LAX1: variants seen among roughly 807,000 people sequenced by gnomAD.
LAX1 encodes the protein lymphocyte transmembrane adaptor 1.
In LAX1, 17 loss-of-function variants were observed where a neutral mutation model predicts 20.7. The observed-to-expected ratio is 0.82, with a 90% CI of 0.56 to 1.23. The LOEUF is 1.23. LAX1 is among the 50% of genes most tolerant of loss of function. The pLI is 0.00. For synonymous variants in LAX1, 165 were observed against 181.0 expected (o/e 0.91, Z 0.71); for missense variants, 470 against 487.0 (o/e 0.97, Z 0.33).
At chr1:203,772,460 T>G (rs1213811618) in intron 4 of LAX1, among the ~76,000 whole-genome samples, 1 of 152,142 alleles carries the variant, frequency 6.6e-6, no homozygotes, top group African/African-American at 2.4e-5. Context: ...TGGAGTCTTG[T>G]TCTGTCACCC....
At chr1:203,769,552 C>A (rs373169083) in intron 1 of LAX1, 1 of 152,074 alleles carries the variant, frequency 6.6e-6, no homozygotes, top group East Asian at 1.9e-4. Flanking sequence ...GGGGGTAGCA[C>A]GTCAGTTCCT....
intron 1 of LAX1, chr1:203,769,747 T>C (rs1667370912): frequency 8.4e-6 from 1 of 118,526 alleles, no homozygotes; most frequent in Non-Finnish European, 1.6e-5. Context: ...AGTGTGTTGC[T>C]TGGAGACCAG....
rs764229394 is a variant in LAX1, at chr1:203,772,086, G to A, written c.329G>A (p.Ser110Asn). Residue 110 changes from serine (S) to asparagine (N), a missense_variant, in exon 4 of 5, where the codon AGT becomes AAT. Ser to Asn is a conservative substitution (Grantham distance 46, BLOSUM62 1). Transcript: ENST00000442561. ...CTTTCAGGGAGACATGAGTCGAGGA[G>A]TATGCGCATTTTCAGTACTGAGAGC... is the stretch of plus-strand genomic sequence containing the variant. Reference protein sequence around the residue: ...QEDLGRHESRSMRIFSTESLL... With the variant: ...QEDLGRHESRNMRIFSTESLL... 2 of 1,614,084 alleles carry A rather than the reference G, an allele frequency of 1.2e-6. No individual in the cohort carries two copies. Among genetic ancestry groups the A allele is most frequent in the Admixed American group, 1.7e-5 (1 of 60,028 alleles).
rs1288714730 is a variant in LAX1, at chr1:203,765,497, GCTAA to G, written c.-66_-63del. 10 of 1,600,914 alleles carry G rather than the reference GCTAA, an allele frequency of 6.2e-6. No homozygotes were observed. The Admixed American group carries it at 6.9e-5, about 11-fold the overall frequency. On this transcript the variant is annotated 5_prime_UTR_variant, in exon 1 of 5. It removes the in-frame stop codon of an upstream open reading frame in the 5' UTR. Coordinates refer to ENST00000442561, the MANE Select transcript of LAX1 (RefSeq NM_017773.4). Reference sequence around the variant, plus strand: ...GTGGGGAGAAGTGGTAGACATGCTGGCTAACTGATTATGATTAAGAGAAACTTAG... The same window carrying G: ...GTGGGGAGAAGTGGTAGACATGCTGGCTGATTATGATTAAGAGAAACTTAG...
intron 1 of LAX1, among the ~76,000 whole-genome samples, chr1:203,766,568 T>A (rs1328953842): frequency 6.6e-6 from 1 of 152,230 alleles, no homozygotes; most frequent in Non-Finnish European, 1.5e-5. Flanking sequence ...TGAGCATCAA[T>A]GAGCAATGAA....
At position 203,775,669 on chromosome 1, in the gene LAX1, C is replaced by A. The variant is rs1335779842; in HGVS notation, c.*988C>A. 2 of 152,098 alleles carry A rather than the reference C, an allele frequency of 1.3e-5. No individual in the cohort carries two copies. The highest frequency in any genetic ancestry group is 6.6e-5 in the Admixed American group (1 of 15,254). 9.4% of individuals were successfully genotyped at this position (152,098 alleles called of 1,614,324 possible). A position where few individuals can be genotyped will look rare whatever the true frequency, so the allele number is the denominator to read the frequency against. On this transcript the variant is annotated 3_prime_UTR_variant, in exon 5 of 5. Transcript: ENST00000442561. ...CATAATTACCAAAAACTAGAAATAA[C>A]CCAGATATCCTTCAACAGGTGATTG...
chr1:203,768,010 G>A (rs530543590), intron 1 of LAX1, among the ~76,000 whole-genome samples: 95 of 152,104 alleles, frequency 6.2e-4, no homozygotes, highest in African/African-American at 2.2e-3. Flanking sequence ...GCATATGAAT[G>A]TATAATATCA....
At chr1:203,768,109 G>A (rs1290216125) in intron 1 of LAX1, among the ~76,000 whole-genome samples, 2 of 152,082 alleles carry the variant, frequency 1.3e-5, no homozygotes, top group African/African-American at 2.4e-5. Context: ...TCAGGAGTTC[G>A]AGACCAGCCT....
In LAX1 at chr1:203,765,452, A is replaced by T; in HGVS notation, c.-114A>T. 1 of 1,559,338 alleles carries T rather than the reference A, an allele frequency of 6.4e-7. No homozygotes were observed. Among genetic ancestry groups the T allele is most frequent in the South Asian group, 1.2e-5 (1 of 85,320 alleles). On this transcript the variant is annotated 5_prime_UTR_variant, in exon 1 of 5. Coordinates refer to ENST00000442561, the MANE Select transcript of LAX1 (RefSeq NM_017773.4). ...CTGACGTTTCAGAGGTAGACACGAG[A>T]TAGGGAGTTTGTTGCGGGGGTGGGG...
chr1:203,771,005 C>T (rs1186285823), intron 2 of LAX1, 68 bp downstream of exon 2: 10 of 1,281,514 alleles, frequency 7.8e-6, no homozygotes, highest in Non-Finnish European at 1.1e-5. Context: ...ATTTAAAGCC[C>T]AGCTTATTTA....
intron 4 of LAX1, among the ~76,000 whole-genome samples, chr1:203,773,443 A>G (rs1237278981): frequency 6.6e-6 from 1 of 152,080 alleles, no homozygotes; most frequent in Non-Finnish European, 1.5e-5. Context: ...GACGAGAGCG[A>G]AACTCCTTCT....
chr1:203,774,636 G>A lies in LAX1; in HGVS notation c.1152G>A (p.Arg384=), dbSNP rs778962944. The A allele has an allele frequency of 6.8e-6, 11 of 1,614,072 alleles. No individual in the cohort carries two copies. The African/African-American group carries it at 8.0e-5, about 12-fold the overall frequency. Residue 384 remains arginine (R), a synonymous_variant, in exon 5 of 5, where the codon AGG becomes AGA. Coordinates refer to ENST00000442561, the MANE Select transcript of LAX1 (RefSeq NM_017773.4). The part of the protein sequence containing the change: ...ENVLTAKLGG[R]DSEQGPGTQL... ...TGCTAACTGCCAAGTTAGGAGGCAG[G>A]GACTCTGAGCAGGGGCCTGGCACTC...
chr1:203,773,441 C>A (rs1297999194), intron 4 of LAX1, among the ~76,000 whole-genome samples: 1 of 151,856 alleles, frequency 6.6e-6, no homozygotes. Context: ...GCGACGAGAG[C>A]GAAACTCCTT....
rs1297650372 is a variant in LAX1, at chr1:203,774,543, G to A, written c.1059G>A (p.Gln353=). 5 of 1,614,076 alleles carry A rather than the reference G, an allele frequency of 3.1e-6. No individual in the cohort carries two copies. In the African/African-American group the frequency reaches 6.7e-5, roughly 22 times the overall value. ...ATGCAGACTTTCAGCCATTCACACA[G>A]AGTGAGGACAGTCAGATGAAACATA... ...GDYADFQPFT[Q]SEDSQMKHRE... is the part of the protein sequence containing the mutation. Residue 353 remains glutamine, a synonymous_variant, in exon 5 of 5, where the codon CAG becomes CAA. Coordinates refer to ENST00000442561, the MANE Select transcript of LAX1 (RefSeq NM_017773.4).
At chr1:203,772,620 G>T (rs1376770040) in intron 4 of LAX1, among the ~76,000 whole-genome samples, 7 of 152,018 alleles carry the variant, frequency 4.6e-5, no homozygotes, top group Non-Finnish European at 1.0e-4. Flanking sequence ...TAGAGACGGG[G>T]TTTCACCATG....
intron 4 of LAX1, among the ~76,000 whole-genome samples, 169 bp downstream of exon 4, chr1:203,772,316 C>A (rs1667436023): frequency 6.6e-6 from 1 of 152,132 alleles, no homozygotes; most frequent in African/African-American, 2.4e-5. Context: ...ATCTCCTATA[C>A]CCAAAAAGAA....
At position 203,773,654 on chromosome 1, in the gene LAX1, T is replaced by C. The variant is rs1023865647; in HGVS notation, c.391-221T>C. On this transcript the variant is annotated intron_variant, in intron 4 of 4. Transcript: ENST00000442561. ...TACTGCCTCTCAGTGGGCTCTTCAGTTGATAATATTTTCGTCCCACCCGCA... is the reference window on the plus strand; with the variant it reads ...TACTGCCTCTCAGTGGGCTCTTCAGCTGATAATATTTTCGTCCCACCCGCA... Among the ~76,000 whole-genome samples, 4 of 151,804 alleles carry C rather than the reference T, an allele frequency of 2.6e-5. No individual in the cohort carries two copies. In the East Asian group the frequency reaches 7.7e-4, roughly 29 times the overall value.
chr1:203,765,609 C>T lies in LAX1; in HGVS notation c.44C>T (p.Thr15Ile). The T allele has an allele frequency of 6.2e-6, 10 of 1,614,110 alleles. No individual in the cohort carries two copies. The highest frequency in any genetic ancestry group is 5.0e-5 in the Admixed American group (3 of 60,004). Residue 15 changes from threonine (T) to isoleucine (I), a missense_variant, in exon 1 of 5, where the codon ACC becomes ATC. Transcript: ENST00000442561. ...TPTLSTIRGR[T>I]LESSTLHVTP... ...ACCCTTTCGACAATCAGAGGGAGGA[C>T]CTTGGAGTCCAGCACTCTGCATGTG... is the stretch of plus-strand genomic sequence containing the variant.
rs765003398 is a variant in LAX1 at position 203,770,809 on chromosome 1, C to T, written c.90-19C>T. The T allele has an allele frequency of 2.5e-6, 4 of 1,589,394 alleles. No individual in the cohort carries two copies. Among genetic ancestry groups the T allele is most frequent in the Non-Finnish European group, 3.5e-6 (4 of 1,157,492 alleles). ...CCACCCTCCTACAGCTAGCACATGTCATTCGATTGTTTTTCTAGAAATAAA... is the reference window on the plus strand; with the variant it reads ...CCACCCTCCTACAGCTAGCACATGTTATTCGATTGTTTTTCTAGAAATAAA... On this transcript the variant is annotated intron_variant, in intron 1 of 4. Coordinates refer to ENST00000442561, the MANE Select transcript of LAX1 (RefSeq NM_017773.4).
Sources: allele counts gnomAD v4.1 joint callset (sites outside exome capture counted in the v4.1 genomes callset), GRCh38; gene constraint gnomAD v4.1.1; transcripts MANE v1.5; gene names NCBI Gene and HGNC (gene_info 2026-07-23, HGNC 2026-07-21).